Variants in SERBP1 observed in about 807,000 individuals in gnomAD.
SERBP1 encodes SERPINE1 mRNA binding protein 1, also known as SERPINE1 mRNA-binding protein 1.
SERBP1 carries 6 observed loss-of-function variants against 50.2 expected under a neutral mutation model. That is an observed-to-expected ratio of 0.12 (90% confidence interval 0.07 to 0.24). The LOEUF (loss-of-function observed/expected upper bound fraction) is 0.24, where lower values mean the gene tolerates loss of function less well. SERBP1 is among the 10% of genes least tolerant of loss of function. SERBP1 has a pLI of 1.00. For missense variants in SERBP1, 346 were observed against 524.9 expected (o/e 0.66, Z 3.33); for synonymous variants, 168 against 182.8 (o/e 0.92, Z 0.65).
At chr1:67,413,361 A>G (rs1320653180) in intron 7 of SERBP1, 98 bp from the exon 8 acceptor site, 2 of 1,168,082 alleles carry the variant, frequency 1.7e-6, no homozygotes, top group African/African-American at 3.3e-5. Flanking sequence ...AAAAAATCTT[A>G]CTGTTGGCCA....
chr1:67,419,076 T>C (rs1293396186), intron 6 of SERBP1, among the ~76,000 whole-genome samples: 2 of 152,230 alleles, frequency 1.3e-5, no homozygotes, highest in African/African-American at 2.4e-5. Flanking sequence ...TCAATGTGAC[T>C]TTCTCCAATA....
chr1:67,425,428 T>C (rs1385512338), intron 2 of SERBP1, among the ~76,000 whole-genome samples: 1 of 152,244 alleles, frequency 6.6e-6, no homozygotes, highest in African/African-American at 2.4e-5. Context: ...AAAACTATTT[T>C]AGCACTCTAA....
In SERBP1 at chr1:67,426,265, T is replaced by G; in HGVS notation, c.334A>C (p.Arg112=). 1.3e-6 allele frequency: 2 copies of G among 1,594,950 alleles called. No homozygotes were observed. Among genetic ancestry groups the G allele is most frequent in the Non-Finnish European group, 1.7e-6 (2 of 1,172,500 alleles). The change falls in exon 2 of 8, where the codon AGA becomes CGA. Residue 112 remains arginine, a synonymous_variant. Coordinates refer to ENST00000361219, the MANE Select transcript of SERBP1 (RefSeq NM_001018069.2). ...TCACCCTGAAGTTGTTGATCAGGTC[T>G]TCTTCCAACTCGTCTTATTCCTAAA... The part of the protein sequence containing the change: ...KKEGIRRVGR[R]PDQQLQGEGK...
Position 67,425,083 on chromosome 1 carries a change from G to A in SERBP1, c.605C>T (p.Ser202Phe), listed in dbSNP as rs769328718. Residue 202 changes from serine to phenylalanine, a missense_variant and splice_region_variant, in exon 3 of 8, where the codon TCT becomes TTT. By Grantham distance (155) the Ser-to-Phe change is radical. Coordinates refer to ENST00000361219, the MANE Select transcript of SERBP1 (RefSeq NM_001018069.2). Reference sequence around the variant, plus strand: ...TAAAATAAAAACCAGTAAGACTTACGATCTATCACTTCCACTATGCCTATC... The same window carrying A: ...TAAAATAAAAACCAGTAAGACTTACAATCTATCACTTCCACTATGCCTATC... ...EFDRHSGSDR[S>F]SFSHYSGLKH... 20 of 1,609,162 alleles carry A rather than the reference G, an allele frequency of 1.2e-5. No homozygotes were observed. Among genetic ancestry groups the A allele is most frequent in the African/African-American group, 1.1e-4 (8 of 74,640 alleles).
chr1:67,427,010 C>G (rs1007359441), intron 1 of SERBP1, among the ~76,000 whole-genome samples: 5 of 152,176 alleles, frequency 3.3e-5, no homozygotes, highest in African/African-American at 1.2e-4. Context: ...AATTTTATAG[C>G]ATGTAAGTGT....
At position 67,413,279 on chromosome 1, in the gene SERBP1, CA is replaced by C. The variant is rs775553314; in HGVS notation, c.1126-17del. ...AAGCACTTGACTGAAAAAGAAAAAC[CA>C]AAATTAACCACAGTTCTCAGTTCTT... On this transcript the variant is annotated splice_polypyrimidine_tract_variant and intron_variant, in intron 7 of 7. Transcript: ENST00000361219. 63 of 1,572,662 alleles carry C rather than the reference CA, an allele frequency of 4.0e-5. No homozygotes were observed. The highest frequency in any genetic ancestry group is 5.0e-5 in the Non-Finnish European group (58 of 1,164,014).
intron 5 of SERBP1, 85 bp downstream of exon 5, chr1:67,424,115 A>G (rs746998533): frequency 1.8e-4 from 248 of 1,351,966 alleles, no homozygotes; most frequent in Admixed American, 3.1e-4. Flanking sequence ...ATCAAGTAAC[A>G]GCATTAAATC....
intron 6 of SERBP1, 106 bp from the exon 7 acceptor site, chr1:67,415,445 C>T: frequency 1.7e-6 from 2 of 1,158,252 alleles, no homozygotes; most frequent in South Asian, 1.8e-5. Context: ...CCAAACTGTA[C>T]TTTCTGTGAA....
In SERBP1 at chr1:67,412,892, T is replaced by C. The variant is rs556262868; in HGVS notation, c.*315A>G. On this transcript the variant is annotated 3_prime_UTR_variant, in exon 8 of 8. Coordinates refer to ENST00000361219, the MANE Select transcript of SERBP1 (RefSeq NM_001018069.2). ...AACTGGTACACACTGTTCACACCTA[T>C]ATTTCAAGTTTGGAAATGCATATTT... 4.3e-5 allele frequency: 15 copies of C among 352,006 alleles called. No homozygotes were observed. The highest frequency in any genetic ancestry group is 2.2e-5 in the African/African-American group (1 of 45,518). 21.8% of individuals were successfully genotyped at this position (352,006 alleles called of 1,614,324 possible). A position where few individuals can be genotyped will look rare whatever the true frequency, so the allele number is the denominator to read the frequency against.
chr1:67,422,714 C>T (rs1667239651), intron 5 of SERBP1, among the ~76,000 whole-genome samples: 1 of 152,040 alleles, frequency 6.6e-6, no homozygotes, highest in African/African-American at 2.4e-5. Context: ...AATCCCAGCA[C>T]TTTGGAAGGC....
intron 1 of SERBP1, among the ~76,000 whole-genome samples, chr1:67,428,328 C>T (rs534899128): frequency 6.6e-6 from 1 of 152,316 alleles, no homozygotes; most frequent in Non-Finnish European, 1.5e-5. Flanking sequence ...TAAAATACTA[C>T]TTTTCAGGTA....
At chr1:67,417,034 G>A (rs1017029522) in intron 6 of SERBP1, among the ~76,000 whole-genome samples, 1 of 152,206 alleles carries the variant, frequency 6.6e-6, no homozygotes, top group African/African-American at 2.4e-5. Flanking sequence ...GGCATAGGCA[G>A]AAGGGCTGCT....
Position 67,424,186 on chromosome 1 carries a change from G to C in SERBP1, c.773+14C>G. The C allele has an allele frequency of 6.2e-7, 1 of 1,602,904 alleles. No homozygotes were observed. Among genetic ancestry groups the C allele is most frequent in the South Asian group, 1.1e-5 (1 of 88,504 alleles). On this transcript the variant is annotated intron_variant, in intron 5 of 7. Transcript: ENST00000361219. ...CAATTCTGGGTCATTACTATTACAC[G>C]CAATACCACTTACTTATTTTCAGTG...
At chr1:67,413,349 T>TA (rs1343141126) in intron 7 of SERBP1, 86 bp from the exon 8 acceptor site, 3 of 1,253,274 alleles carry the variant, frequency 2.4e-6, no homozygotes, top group East Asian at 2.9e-5. Flanking sequence ...GACAGAACTC[T>TA]AAAAAAATCT....
chr1:67,420,879 A>G (rs1355637090), intron 5 of SERBP1, among the ~76,000 whole-genome samples: 1 of 152,218 alleles, frequency 6.6e-6, no homozygotes, highest in Non-Finnish European at 1.5e-5. Flanking sequence ...TATAATTCTC[A>G]GGTCTTAACT....
chr1:67,419,921 TA>T, intron 6 of SERBP1, 87 bp downstream of exon 6: 1 of 1,165,508 alleles, frequency 8.6e-7, no homozygotes, highest in Non-Finnish European at 1.3e-6. Flanking sequence ...AACAGACAAA[TA>T]ACCCATGTGA....
At chr1:67,417,886 T>C (rs1018132706) in intron 6 of SERBP1, among the ~76,000 whole-genome samples, 1 of 151,980 alleles carries the variant, frequency 6.6e-6, no homozygotes, top group Non-Finnish European at 1.5e-5. Context: ...GGTAACACAG[T>C]TCTCCATTTG....
intron 5 of SERBP1, among the ~76,000 whole-genome samples, chr1:67,422,527 A>C (rs1667233791): frequency 6.6e-6 from 1 of 152,202 alleles, no homozygotes; most frequent in Admixed American, 6.5e-5. Context: ...AAAAAAGAAA[A>C]AAGAAAAAGT....
Position 67,430,372 on chromosome 1 carries a change from C to G in SERBP1, c.-72G>C. 6.9e-7 allele frequency: 1 copy of G among 1,445,900 alleles called. No homozygotes were observed. Among genetic ancestry groups the G allele is most frequent in the Non-Finnish European group, 9.2e-7 (1 of 1,081,984 alleles). The allele number at this position is 1,445,900 out of a possible 1,614,324, so 89.6% of individuals were successfully genotyped here. ...GCCGAGCCAAGAGCGCCTGCTTCAG[C>G]TCTTCCCACAAGATGGCCGGGCCGA... On this transcript the variant is annotated 5_prime_UTR_variant, in exon 1 of 8. Coordinates refer to ENST00000361219, the MANE Select transcript of SERBP1 (RefSeq NM_001018069.2).
Sources: gnomAD v4.1 joint callset for allele counts (sites outside exome capture counted in the v4.1 genomes callset) on GRCh38, gnomAD v4.1.1 for gene constraint, MANE v1.5 for transcripts, NCBI Gene and HGNC (gene_info 2026-07-23, HGNC 2026-07-21) for gene names.